SUZ12: variants seen among roughly 807,000 people sequenced by gnomAD.
The protein encoded by SUZ12 is polycomb protein SUZ12.
Under a neutral mutation model 87.3 loss-of-function variants are expected in SUZ12, and 17 were observed. That is an observed-to-expected ratio of 0.19 (90% CI 0.13 to 0.29). SUZ12 has a LOEUF of 0.29. SUZ12 is among the 10% of genes least tolerant of loss of function. The pLI is 1.00. For synonymous variants in SUZ12, 253 were observed against 312.4 expected (o/e 0.81, Z 2.01); for missense variants, 526 against 912.2 (o/e 0.58, Z 5.45).
At chr17:31,993,828 A>C in intron 11 of SUZ12, 37 bp from the exon 12 acceptor site, 1 of 1,566,426 alleles carries the variant, frequency 6.4e-7, no homozygotes, top group Non-Finnish European at 8.6e-7. Flanking sequence ...GTTATGCGTA[A>C]ATTGGAGATT....
chr17:31,959,918 T>G (rs1015279899), intron 4 of SUZ12, among the ~76,000 whole-genome samples: 4 of 152,230 alleles, frequency 2.6e-5, no homozygotes, highest in Non-Finnish European at 4.4e-5. Flanking sequence ...TTATCATGTG[T>G]CTTACTTCCT....
chr17:31,940,613 G>C, intron 3 of SUZ12, 127 bp downstream of exon 3: 1 of 1,403,974 alleles, frequency 7.1e-7, no homozygotes, highest in Non-Finnish European at 9.4e-7. Context: ...GATTTAAGAT[G>C]AAAACTGAAG....
intron 1 of SUZ12, 44 bp from the exon 2 acceptor site, chr17:31,940,242 A>G (rs112174676): frequency 1.9e-6 from 3 of 1,576,440 alleles, no homozygotes; most frequent in African/African-American, 1.4e-5. Flanking sequence ...TTTTTCTGAC[A>G]AGTAAGTTTA....
chr17:31,980,003 TA>T (rs1268238507), intron 8 of SUZ12, among the ~76,000 whole-genome samples: 1 of 147,466 alleles, frequency 6.8e-6, no homozygotes, highest in Non-Finnish European at 1.5e-5. Context: ...AAAATATATA[TA>T]TATGTATAGA....
chr17:31,991,146 G>T (rs568009576), intron 10 of SUZ12, among the ~76,000 whole-genome samples: 2 of 152,202 alleles, frequency 1.3e-5, no homozygotes, highest in Non-Finnish European at 2.9e-5. Flanking sequence ...GGCAGAAGGC[G>T]TAAGTTGTCC....
At chr17:31,998,165 C>T (rs563924665) in intron 15 of SUZ12, among the ~76,000 whole-genome samples, 3 of 151,152 alleles carry the variant, frequency 2.0e-5, no homozygotes, top group Non-Finnish European at 3.0e-5. Context: ...CTGCAAGCTC[C>T]ACCTCCCAGG....
intron 12 of SUZ12, chr17:31,994,348 A>G (rs375094989): frequency 2.5e-5 from 12 of 470,866 alleles, no homozygotes; most frequent in Middle Eastern, 5.5e-4. Context: ...CAACCAAGAA[A>G]TAATTTGTAC....
intron 5 of SUZ12, chr17:31,966,414 C>G (rs935465325): frequency 2.1e-6 from 1 of 469,998 alleles, no homozygotes; most frequent in African/African-American, 2.0e-5. Flanking sequence ...ATGTTATGAT[C>G]TTGGCTGACT....
At chr17:31,965,059 A>G (rs1294217667) in intron 4 of SUZ12, among the ~76,000 whole-genome samples, 2 of 151,976 alleles carry the variant, frequency 1.3e-5, no homozygotes, top group Non-Finnish European at 2.9e-5. Flanking sequence ...TCCAGTCATT[A>G]CTTGTTCCTT....
In SUZ12 at chr17:31,937,315, C is replaced by A. The variant is rs1426477927; in HGVS notation, c.69C>A (p.Gly23=). Residue 23 remains glycine, a synonymous_variant, in exon 1 of 16, where the codon GGC becomes GGA. Coordinates refer to ENST00000322652, the MANE Select transcript of SUZ12 (RefSeq NM_015355.4). The part of the protein sequence containing the change: ...GSGPSAGSGG[G]GFGGSAAVAA... ...GGCCCAGCGCGGGGTCCGGGGGAGGCGGCTTCGGGGGTTCGGCGGCGGTGG... is the reference window on the plus strand; with the variant it reads ...GGCCCAGCGCGGGGTCCGGGGGAGGAGGCTTCGGGGGTTCGGCGGCGGTGG... 3 of 1,439,082 alleles carry A rather than the reference C, an allele frequency of 2.1e-6. No homozygotes were observed. Among genetic ancestry groups the A allele is most frequent in the African/African-American group, 1.5e-5 (1 of 66,618 alleles). The allele number at this position is 1,439,082 out of a possible 1,614,324, so 89.1% of individuals were successfully genotyped here.
intron 5 of SUZ12, among the ~76,000 whole-genome samples, chr17:31,971,058 A>C (rs1317271035): frequency 6.6e-6 from 1 of 152,204 alleles, no homozygotes; most frequent in Non-Finnish European, 1.5e-5. Context: ...ATGGTATTCA[A>C]AATTAACACC....
At chr17:31,991,771 G>T (rs61178861) in intron 10 of SUZ12, among the ~76,000 whole-genome samples, 1 of 151,394 alleles carries the variant, frequency 6.6e-6, no homozygotes, top group South Asian at 2.1e-4. Context: ...TGCCTGGCTA[G>T]TTTTTTTTCA....
rs547464770 is a variant in SUZ12, at chr17:31,991,225, A to G, written c.1202-2017A>G. Among the ~76,000 whole-genome samples, 3 of 152,132 alleles carry G rather than the reference A, an allele frequency of 2.0e-5. No homozygotes were observed. The South Asian group carries it at 6.2e-4, about 32-fold the overall frequency. On this transcript the variant is annotated intron_variant, in intron 10 of 15. Coordinates refer to ENST00000322652, the MANE Select transcript of SUZ12 (RefSeq NM_015355.4). ...ATGGTCAGATTAAAGAGATATAAGA[A>G]ATGGGGCCGGGCGCAGTGGCTGACA...
intron 10 of SUZ12, among the ~76,000 whole-genome samples, chr17:31,992,136 C>CA (rs1390679750): frequency 6.6e-6 from 1 of 151,448 alleles, no homozygotes; most frequent in Admixed American, 6.6e-5. Flanking sequence ...TACTAAAATA[C>CA]AAAAAATCAG....
At chr17:31,974,395 T>C (rs1283073569) in intron 6 of SUZ12, among the ~76,000 whole-genome samples, 3 of 152,208 alleles carry the variant, frequency 2.0e-5, no homozygotes, top group East Asian at 1.9e-4. Context: ...GGCGTGGTGA[T>C]GGGCACCTGT....
intron 4 of SUZ12, among the ~76,000 whole-genome samples, chr17:31,958,897 A>G (rs80350059): frequency 0.049 from 7,435 of 152,158 alleles, 585 homozygotes; most frequent in African/African-American, 0.17. Context: ...GTGCACCTGT[A>G]ATTTCATCTA....
chr17:31,962,457 G>A (rs1179158331), intron 4 of SUZ12, among the ~76,000 whole-genome samples: 1 of 152,078 alleles, frequency 6.6e-6, no homozygotes, highest in African/African-American at 2.4e-5. Context: ...AGGCATGATG[G>A]TGCATGCCTA....
chr17:31,949,676 C>CGTTTTTTT (rs1906839689), intron 4 of SUZ12, among the ~76,000 whole-genome samples: 2 of 12,388 alleles, frequency 1.6e-4, no homozygotes, highest in African/African-American at 3.5e-4. Flanking sequence ...CCCCCCCCCC[C>CGTTTTTTT]TTTTTTTTTT....
At chr17:31,988,178 C>A in intron 9 of SUZ12, 142 bp from the exon 10 acceptor site, 1 of 736,344 alleles carries the variant, frequency 1.4e-6, no homozygotes, top group Non-Finnish European at 2.1e-6. Context: ...TTTGCCTAGC[C>A]GTCTCAGTCA....
Sources: allele counts gnomAD v4.1 joint callset (sites outside exome capture counted in the v4.1 genomes callset), GRCh38; gene constraint gnomAD v4.1.1; transcripts MANE v1.5; gene names NCBI Gene and HGNC (gene_info 2026-07-23, HGNC 2026-07-21).